The following DIS3L2 variants were observed in gnomAD, a reference collection of about 807,000 sequenced individuals.
The protein encoded by DIS3L2 is DIS3 like 3'-5' exoribonuclease 2, also known as DIS3-like exonuclease 2.
A neutral mutation model predicts 97.5 loss-of-function variants in DIS3L2; 34 were observed. That is an observed-to-expected ratio of 0.35 (90% CI 0.27 to 0.46). The LOEUF is 0.46. Ranked by LOEUF, DIS3L2 falls within the 20% of genes least tolerant of loss-of-function variation. DIS3L2 has a pLI of 1.00. For missense variants in DIS3L2, 1,038 were observed against 1,146.0 expected, an observed-to-expected ratio of 0.91 and a Z score of 1.36; for synonymous variants, 435 against 445.2, an observed-to-expected ratio of 0.98 and a Z score of 0.29.
At chr2:232,021,054 A>G (rs1694497330) in intron 3 of DIS3L2, among the ~76,000 whole-genome samples, 1 of 152,162 alleles carries the variant, frequency 6.6e-6, no homozygotes, top group African/African-American at 2.4e-5. Context: ...CAAACAAGCC[A>G]AATACAGTAT....
At chr2:232,060,740 T>C (rs1286015279) in intron 5 of DIS3L2, among the ~76,000 whole-genome samples, 6 of 152,188 alleles carry the variant, frequency 3.9e-5, no homozygotes, top group Admixed American at 3.9e-4. Flanking sequence ...ATAGATTGCT[T>C]TGGGTAGTAT....
At chr2:232,076,873 G>A (rs2106293357) in intron 5 of DIS3L2, among the ~76,000 whole-genome samples, 1 of 152,196 alleles carries the variant, frequency 6.6e-6, no homozygotes, top group East Asian at 1.9e-4. Flanking sequence ...CCCACTCCCA[G>A]TATTGCATAG....
intron 9 of DIS3L2, among the ~76,000 whole-genome samples, chr2:232,198,956 T>G (rs1459487677): frequency 6.6e-6 from 1 of 152,246 alleles, no homozygotes; most frequent in Non-Finnish European, 1.5e-5. Context: ...TGTATTCTAA[T>G]GTTTCTTTTT....
chr2:232,051,597 G>T (rs553207606), intron 5 of DIS3L2, among the ~76,000 whole-genome samples: 9 of 151,868 alleles, frequency 5.9e-5, no homozygotes, highest in Admixed American at 2.0e-4. Flanking sequence ...CGGATCACGA[G>T]GTCAGGAGAT....
At chr2:232,208,178 C>T (rs1356546862) in intron 9 of DIS3L2, among the ~76,000 whole-genome samples, 1 of 152,122 alleles carries the variant, frequency 6.6e-6, no homozygotes, top group Admixed American at 6.5e-5. Context: ...CCCCTGCTGC[C>T]CCCGCACAAG....
chr2:232,243,317 G>T (rs903201725), intron 11 of DIS3L2, among the ~76,000 whole-genome samples: 4 of 152,158 alleles, frequency 2.6e-5, no homozygotes, highest in African/African-American at 9.7e-5. Flanking sequence ...TGTAGAGAGA[G>T]CCACGGATGA....
chr2:232,040,539 T>C (rs1695081643), intron 5 of DIS3L2, among the ~76,000 whole-genome samples: 1 of 152,226 alleles, frequency 6.6e-6, no homozygotes, highest in Non-Finnish European at 1.5e-5. Context: ...CCATAGCCCA[T>C]ACTTGTCTTT....
chr2:232,320,397 A>C (rs1695397866), intron 14 of DIS3L2, among the ~76,000 whole-genome samples: 1 of 152,242 alleles, frequency 6.6e-6, no homozygotes, highest in Non-Finnish European at 1.5e-5. Context: ...ATACTGAGGC[A>C]GGCTGCCCTT....
intron 5 of DIS3L2, among the ~76,000 whole-genome samples, chr2:232,046,963 CTTAATA>C (rs1030223244): frequency 2.0e-5 from 3 of 152,134 alleles, no homozygotes; most frequent in East Asian, 1.9e-4. Context: ...TGGAGATCAT[CTTAATA>C]TTAAGTTCAG....
intron 9 of DIS3L2, among the ~76,000 whole-genome samples, chr2:232,183,319 C>T (rs958448873): frequency 2.0e-5 from 3 of 152,230 alleles, no homozygotes; most frequent in African/African-American, 4.8e-5. Flanking sequence ...CTACTGAAAT[C>T]TCTGCTTGGC....
At chr2:232,272,429 A>T (rs1166897090) in intron 13 of DIS3L2, among the ~76,000 whole-genome samples, 2 of 152,146 alleles carry the variant, frequency 1.3e-5, no homozygotes, top group African/African-American at 2.4e-5. Context: ...CGCAAACCCG[A>T]TGGTTATTTG....
At chr2:232,247,648 T>G (rs1479171635) in intron 11 of DIS3L2, among the ~76,000 whole-genome samples, 706 of 52,386 alleles carry the variant, frequency 0.013, 1 homozygote, top group Middle Eastern at 0.043. Context: ...GGGGGGAGGG[T>G]GCCAATTCAG....
intron 6 of DIS3L2, among the ~76,000 whole-genome samples, chr2:232,113,417 G>A (rs57220212): frequency 0.01 from 1,540 of 152,264 alleles, 21 homozygotes; most frequent in African/African-American, 0.035. Context: ...TAACACCTTT[G>A]CCATGCAAGT....
chr2:232,292,981 C>T lies in DIS3L2; in HGVS notation c.1660-7059C>T, dbSNP rs1476286593. Among the ~76,000 whole-genome samples, 1 of 152,156 alleles carries T rather than the reference C, an allele frequency of 6.6e-6. No individual in the cohort carries two copies. On this transcript the variant is annotated intron_variant, in intron 13 of 20. Coordinates refer to ENST00000325385, the MANE Select transcript of DIS3L2 (RefSeq NM_152383.5). This position sits in a 1 kb window ranked among gnomAD's most constrained non-coding sequence, Gnocchi z 4.4. ...TGAGCTCTCCTGCTTGACATGGCAG[C>T]TGCCTCTGGAGAGAGAAAGACCTTG...
chr2:232,054,303 A>G (rs968887776), intron 5 of DIS3L2, among the ~76,000 whole-genome samples: 3 of 152,230 alleles, frequency 2.0e-5, no homozygotes, highest in East Asian at 3.8e-4. Flanking sequence ...CTCATGGAAC[A>G]TACAGAAAGT....
downstream of DIS3L2, among the ~76,000 whole-genome samples, chr2:232,337,540 G>A (rs1363088852): frequency 2.0e-5 from 3 of 151,790 alleles, no homozygotes; most frequent in East Asian, 2.0e-4. Context: ...CCTCAGTCCC[G>A]AGCAGAGCTG....
rs189799574 is a variant in DIS3L2 at position 232,037,498 on chromosome 2, G to A, written c.366+7418G>A. 6.6e-6 allele frequency among the ~76,000 whole-genome samples: 1 copy of A among 152,192 alleles called. No individual in the cohort carries two copies. Among genetic ancestry groups the A allele is most frequent in the Non-Finnish European group, 1.5e-5 (1 of 68,028 alleles). ...CATGAGGGTGGGATCCGCTGAGCTA[G>A]ACCACTTGGCTCTCTGGCTTCAACC... On this transcript the variant is annotated intron_variant, in intron 5 of 20. Coordinates refer to ENST00000325385, the MANE Select transcript of DIS3L2 (RefSeq NM_152383.5). The surrounding 1 kb of genome is among the most constrained non-coding windows in gnomAD (Gnocchi z 4.6).
intron 4 of DIS3L2, among the ~76,000 whole-genome samples, chr2:232,026,534 C>A (rs77840837): frequency 6.6e-6 from 1 of 151,826 alleles, no homozygotes; most frequent in Non-Finnish European, 1.5e-5. Context: ...GTGGAGGCAC[C>A]CCCATTGAGG....
At chr2:232,020,242 A>G (rs151235235) in intron 3 of DIS3L2, among the ~76,000 whole-genome samples, 2 of 152,304 alleles carry the variant, frequency 1.3e-5, no homozygotes, top group East Asian at 3.9e-4. Flanking sequence ...AAGCAGGGGA[A>G]GAAAATAATC....
Sources: gnomAD v4.1 joint callset for allele counts (sites outside exome capture counted in the v4.1 genomes callset) on GRCh38, gnomAD v4.1.1 for gene constraint, Gnocchi (gnomAD v3.1) non-coding constraint, MANE v1.5 for transcripts, NCBI Gene and HGNC (gene_info 2026-07-23, HGNC 2026-07-21) for gene names.